Variants in CBFA2T2 observed in about 807,000 individuals in gnomAD.
The protein encoded by CBFA2T2 is protein CBFA2T2.
CBFA2T2 carries 11 observed loss-of-function variants against 62.2 expected under a neutral mutation model. The observed-to-expected ratio is 0.18, with a 90% CI of 0.11 to 0.29. CBFA2T2 has a LOEUF of 0.29. CBFA2T2 is among the 10% of genes least tolerant of loss of function. The pLI, the probability that CBFA2T2 is intolerant of heterozygous loss-of-function variation, is 1.00. For synonymous variants in CBFA2T2, 295 were observed against 287.5 expected, an observed-to-expected ratio of 1.03 and a Z score of -0.27; for missense variants, 592 against 774.1, an observed-to-expected ratio of 0.76 and a Z score of 2.79.
At chr20:33,534,011 C>T (rs1011276141) in intron 1 of CBFA2T2, among the ~76,000 whole-genome samples, 2 of 152,116 alleles carry the variant, frequency 1.3e-5, no homozygotes, top group African/African-American at 4.8e-5. Flanking sequence ...ACAACAGCAA[C>T]AACAAATAGA....
At chr20:33,517,868 A>T (rs1600920228) in intron 1 of CBFA2T2, among the ~76,000 whole-genome samples, 1 of 150,304 alleles carries the variant, frequency 6.7e-6, no homozygotes. Flanking sequence ...TTGGTCTCAA[A>T]CTCCTGACCT....
At position 33,644,559 on chromosome 20, in the gene CBFA2T2, C is replaced by T. The variant is rs1349501532; in HGVS notation, c.1701C>T (p.Pro567=). ...SSARSADCSV[P]SPALDKTSAT... ...CCAGGTCCGCCGACTGCAGCGTGCC[C>T]AGCCCAGCCCTCGACAAGACCTCGG... The change falls in exon 11 of 11, where the codon CCC becomes CCT. Residue 567 remains proline, a synonymous_variant. Coordinates refer to ENST00000342704, the MANE Select transcript of CBFA2T2 (RefSeq NM_001032999.3). The T allele has an allele frequency of 1.9e-6, 3 of 1,613,874 alleles. No homozygotes were observed. The highest frequency in any genetic ancestry group is 2.5e-6 in the Non-Finnish European group (3 of 1,179,798).
chr20:33,566,697 C>A (rs1600980058), intron 1 of CBFA2T2, among the ~76,000 whole-genome samples: 2 of 152,014 alleles, frequency 1.3e-5, no homozygotes, highest in African/African-American at 4.8e-5. Flanking sequence ...CGCGTTTGAT[C>A]AGAATTTAGA....
intron 1 of CBFA2T2, among the ~76,000 whole-genome samples, chr20:33,577,279 T>G (rs2013876278): frequency 6.6e-6 from 1 of 152,186 alleles, no homozygotes; most frequent in Non-Finnish European, 1.5e-5. Flanking sequence ...ATAAAAACTT[T>G]CTGGATTGTT....
At chr20:33,524,141 T>A (rs1457883920) in intron 1 of CBFA2T2, among the ~76,000 whole-genome samples, 1 of 150,694 alleles carries the variant, frequency 6.6e-6, no homozygotes, top group Non-Finnish European at 1.5e-5. Flanking sequence ...GTTTTAAAAT[T>A]ATTATTATTA....
At chr20:33,633,530 A>G (rs558916213) in intron 8 of CBFA2T2, among the ~76,000 whole-genome samples, 2 of 152,210 alleles carry the variant, frequency 1.3e-5, no homozygotes, top group Admixed American at 1.3e-4. Context: ...AATTAATGCA[A>G]TGTAGGTTTC....
intron 1 of CBFA2T2, among the ~76,000 whole-genome samples, chr20:33,506,246 T>A (rs971673810): frequency 6.6e-6 from 1 of 151,944 alleles, no homozygotes; most frequent in Non-Finnish European, 1.5e-5. Flanking sequence ...CTCTACAAGA[T>A]AATAATAATA....
intron 4 of CBFA2T2, among the ~76,000 whole-genome samples, chr20:33,620,799 G>T (rs962047076): frequency 1.3e-5 from 2 of 152,238 alleles, no homozygotes; most frequent in South Asian, 4.1e-4. Flanking sequence ...CTGCACTCCA[G>T]CCTGGGTGAC....
rs560203512 is a variant in CBFA2T2, at chr20:33,600,672, C to T, written c.35-6284C>T. 3.3e-5 allele frequency among the ~76,000 whole-genome samples: 5 copies of T among 152,246 alleles called. No homozygotes were observed. In the East Asian group the frequency reaches 9.6e-4, roughly 29 times the overall value. On this transcript the variant is annotated intron_variant, in intron 1 of 10. Transcript: ENST00000342704. ...ACCTGGAGAGCCCATGTAGCCTTTC[C>T]AGCAAACACCTTAACATTGTGTTAA...
intron 1 of CBFA2T2, among the ~76,000 whole-genome samples, chr20:33,597,890 A>G (rs2014957828): frequency 6.6e-6 from 1 of 152,164 alleles, no homozygotes; most frequent in South Asian, 2.1e-4. Context: ...TTCCTTTAGC[A>G]TCGGCCAGCT....
At chr20:33,530,360 C>T (rs1169344918) in intron 1 of CBFA2T2, among the ~76,000 whole-genome samples, 1 of 152,208 alleles carries the variant, frequency 6.6e-6, no homozygotes, top group Non-Finnish European at 1.5e-5. Context: ...CAATGCTTGG[C>T]ATTCCACGTA....
intron 1 of CBFA2T2, among the ~76,000 whole-genome samples, chr20:33,498,248 T>C (rs1457467599): frequency 7.4e-6 from 1 of 134,438 alleles, no homozygotes; most frequent in African/African-American, 2.9e-5. Context: ...ATTTTCTTTC[T>C]TTTTTTTTTT....
chr20:33,607,166 A>T, intron 2 of CBFA2T2, 67 bp downstream of exon 2: 3 of 1,471,438 alleles, frequency 2.0e-6, no homozygotes, highest in South Asian at 1.2e-5. Flanking sequence ...ACTGACTTGT[A>T]TGAAGCGTTC....
At chr20:33,560,944 C>A (rs2013065312) in intron 1 of CBFA2T2, among the ~76,000 whole-genome samples, 1 of 152,134 alleles carries the variant, frequency 6.6e-6, no homozygotes, top group African/African-American at 2.4e-5. Flanking sequence ...GTGGCATGAT[C>A]TCAGCTCACT....
Position 33,606,997 on chromosome 20 carries a change from G to A in CBFA2T2, c.76G>A (p.Val26Met). The change falls in exon 2 of 11, where the codon GTG becomes ATG. Residue 26 changes from valine to methionine, a missense_variant. Around this residue, in one of 3 missense-constraint regions of CBFA2T2, gnomAD observed 449 missense variants for 551.2 expected, o/e 0.81. Coordinates refer to ENST00000342704, the MANE Select transcript of CBFA2T2 (RefSeq NM_001032999.3). ...GGTGCCAGCGATGCCTGGATCGCCT[G>A]TGGAAGTGAAGATACAGTCCAGATC... ...KRVPAMPGSP[V>M]EVKIQSRSSP... 6.2e-7 allele frequency: 1 copy of A among 1,613,954 alleles called. No individual in the cohort carries two copies. The highest frequency in any genetic ancestry group is 1.7e-4 in the Middle Eastern group (1 of 6,060).
intron 1 of CBFA2T2, among the ~76,000 whole-genome samples, chr20:33,599,681 C>T (rs1275194026): frequency 2.0e-5 from 3 of 151,964 alleles, no homozygotes; most frequent in Non-Finnish European, 4.4e-5. Flanking sequence ...CTCCACCTCC[C>T]AGGTTCAAGT....
intron 1 of CBFA2T2, among the ~76,000 whole-genome samples, chr20:33,527,923 C>T (rs2011935527): frequency 6.6e-6 from 1 of 151,940 alleles, no homozygotes; most frequent in South Asian, 2.1e-4. Context: ...TGGAGTCTTG[C>T]TGTGTTGTCA....
chr20:33,503,688 A>G (rs2011343137), intron 1 of CBFA2T2, among the ~76,000 whole-genome samples: 1 of 151,970 alleles, frequency 6.6e-6, no homozygotes, highest in Admixed American at 6.6e-5. Flanking sequence ...AATAACTTGA[A>G]ATCTTTTTAA....
chr20:33,547,178 C>T (rs1004212241), intron 1 of CBFA2T2, among the ~76,000 whole-genome samples: 1 of 151,874 alleles, frequency 6.6e-6, no homozygotes, highest in Non-Finnish European at 1.5e-5. Flanking sequence ...CTAGCCTGGG[C>T]AACAGGGCGA....
Sources: allele counts gnomAD v4.1 joint callset (sites outside exome capture counted in the v4.1 genomes callset), GRCh38; gene constraint gnomAD v4.1.1; regional missense constraint gnomAD v4.1.1; transcripts MANE v1.5; gene names NCBI Gene and HGNC (gene_info 2026-07-23, HGNC 2026-07-21).